Variants in WWOX observed in about 807,000 individuals in gnomAD.
WWOX encodes the protein WW domain-containing oxidoreductase.
A neutral mutation model predicts 46.2 loss-of-function variants in WWOX; 69 were observed. The ratio of observed to expected loss-of-function variants is 1.49; its 90% CI spans 1.23 to 1.82. The LOEUF is 1.82. Among genes scored for constraint, WWOX ranks in the 40% most tolerant of loss-of-function variants. The pLI is 0.00. For synonymous variants in WWOX, 359 were observed against 202.6 expected (o/e 1.77, Z -6.56); for missense variants, 919 against 542.6 (o/e 1.69, Z -6.89).
chr16:78,857,965 T>C (rs1027477671), intron 8 of WWOX, among the ~76,000 whole-genome samples: 1 of 152,198 alleles, frequency 6.6e-6, no homozygotes, highest in Non-Finnish European at 1.5e-5. Context: ...TGAATGCTTT[T>C]TTAGCGTTAT....
At chr16:78,379,752 A>T (rs770063119) in intron 5 of WWOX, among the ~76,000 whole-genome samples, 16 of 152,170 alleles carry the variant, frequency 1.1e-4, no homozygotes, top group Admixed American at 3.3e-4. Context: ...TTCCTAGGCA[A>T]TCTGCAATTA....
chr16:78,629,156 C>T (rs2046373378), intron 8 of WWOX, among the ~76,000 whole-genome samples: 1 of 152,050 alleles, frequency 6.6e-6, no homozygotes, highest in African/African-American at 2.4e-5. Flanking sequence ...TGCTCGCATT[C>T]CCATGTTGGA....
At chr16:78,865,718 A>G (rs2043989060) in intron 8 of WWOX, among the ~76,000 whole-genome samples, 1 of 152,078 alleles carries the variant, frequency 6.6e-6, no homozygotes, top group Admixed American at 6.5e-5. Flanking sequence ...CATCTCTACT[A>G]AAAATACAAA....
intron 8 of WWOX, among the ~76,000 whole-genome samples, chr16:78,730,300 C>T (rs555288772): frequency 6.6e-6 from 1 of 151,966 alleles, no homozygotes; most frequent in Admixed American, 6.6e-5. Flanking sequence ...TCCTTCCTTG[C>T]CTCCTTCCCT....
At chr16:79,097,730 TTTTA>T (rs2049106450) in intron 8 of WWOX, among the ~76,000 whole-genome samples, 1 of 152,180 alleles carries the variant, frequency 6.6e-6, no homozygotes, top group Non-Finnish European at 1.5e-5. Flanking sequence ...ACTTTCTGTC[TTTTA>T]TTTAGGGAAG....
intron 5 of WWOX, among the ~76,000 whole-genome samples, chr16:78,249,231 G>A (rs1567456824): frequency 6.6e-6 from 1 of 152,190 alleles, no homozygotes; most frequent in African/African-American, 2.4e-5. Context: ...GGCGGTGGAG[G>A]TGTTGTGAAT....
chr16:79,181,627 A>G (rs2150787557), intron 8 of WWOX, among the ~76,000 whole-genome samples: 1 of 152,100 alleles, frequency 6.6e-6, no homozygotes. Flanking sequence ...CATCCCCCTT[A>G]TTACTCAGCC....
rs77718117 is a variant in WWOX, at chr16:78,236,188, G to A, written c.516+71899G>A. On this transcript the variant is annotated intron_variant, in intron 5 of 8. Coordinates refer to ENST00000566780, the MANE Select transcript of WWOX (RefSeq NM_016373.4). ...TCTGAATCTTTCTAATCTCGTGATA[G>A]GGCAAGGTAATTAAAATGTTAATAC... Among the ~76,000 whole-genome samples the A allele has an allele frequency of 4.7e-4, 72 of 152,282 alleles. No individual in the cohort carries two copies. The East Asian group carries it at 0.013, about 27-fold the overall frequency.
chr16:78,970,605 GAGGAAAGTC>G (rs1230027149), intron 8 of WWOX, among the ~76,000 whole-genome samples: 1 of 152,194 alleles, frequency 6.6e-6, no homozygotes, highest in Non-Finnish European at 1.5e-5. Context: ...GGAACAGTAT[GAGGAAAGTC>G]AGAGAGCTAA....
chr16:79,037,325 T>C, intron 8 of WWOX, among the ~76,000 whole-genome samples: 1 of 152,212 alleles, frequency 6.6e-6, no homozygotes. Flanking sequence ...CCAGAATGGT[T>C]TTGATTCTCA....
chr16:78,548,816 C>T (rs956094875), intron 8 of WWOX, among the ~76,000 whole-genome samples: 2 of 152,122 alleles, frequency 1.3e-5, no homozygotes, highest in Non-Finnish European at 2.9e-5. Flanking sequence ...TCAATATTTG[C>T]CTTTTGGCTG....
intron 8 of WWOX, among the ~76,000 whole-genome samples, chr16:79,032,100 G>C (rs977870755): frequency 2.1e-5 from 3 of 144,164 alleles, no homozygotes; most frequent in Admixed American, 7.1e-5. Context: ...ATTATGTATA[G>C]ATAATTTATA....
At chr16:78,445,882 C>T (rs548210037) in intron 8 of WWOX, among the ~76,000 whole-genome samples, 7 of 40,888 alleles carry the variant, frequency 1.7e-4, no homozygotes, top group Admixed American at 6.2e-4. Flanking sequence ...TGTCTTGGGG[C>T]GGGGGGCAGG....
intron 8 of WWOX, among the ~76,000 whole-genome samples, chr16:79,188,729 G>A (rs1319589129): frequency 6.6e-6 from 1 of 152,166 alleles, no homozygotes; most frequent in Non-Finnish European, 1.5e-5. Context: ...TCCTGCAAGC[G>A]AATTGCCACC....
intron 8 of WWOX, among the ~76,000 whole-genome samples, chr16:78,784,743 C>T (rs756937368): frequency 4.8e-4 from 73 of 152,114 alleles, no homozygotes; most frequent in Non-Finnish European, 6.5e-4. Context: ...GCCTGGTGGG[C>T]AGTCTGGAAG....
rs1597385891 is a variant in WWOX at position 79,111,734 on chromosome 16, A to C, written c.1057-99874A>C. 2.0e-5 allele frequency among the ~76,000 whole-genome samples: 3 copies of C among 152,324 alleles called. 1 individual carries two copies. The South Asian group carries it at 6.2e-4, about 32-fold the overall frequency. On this transcript the variant is annotated intron_variant, in intron 8 of 8. Transcript: ENST00000566780. ...AAAAAGATCAGGAGGTCACAGTGAC[A>C]AAAGTATTTAGGCTCATCATATTAG...
intron 8 of WWOX, among the ~76,000 whole-genome samples, chr16:78,667,302 G>T (rs2047353677): frequency 1.3e-5 from 2 of 152,074 alleles, no homozygotes; most frequent in Admixed American, 1.3e-4. Flanking sequence ...TTCAAGCTTG[G>T]ACAGGCTGAC....
chr16:78,593,766 C>G (rs891954890), intron 8 of WWOX, among the ~76,000 whole-genome samples: 1 of 150,386 alleles, frequency 6.6e-6, no homozygotes, highest in African/African-American at 2.4e-5. Flanking sequence ...GACTGATACA[C>G]AAAGAGAATC....
intron 8 of WWOX, among the ~76,000 whole-genome samples, chr16:78,558,008 G>GC (rs1227863350): frequency 6.6e-6 from 1 of 152,062 alleles, no homozygotes; most frequent in African/African-American, 2.4e-5. Flanking sequence ...CTTTTTCAGA[G>GC]CCTGGAACAG....
Sources: gnomAD v4.1 joint callset for allele counts (sites outside exome capture counted in the v4.1 genomes callset) on GRCh38, gnomAD v4.1.1 for gene constraint, MANE v1.5 for transcripts, NCBI Gene and HGNC (gene_info 2026-07-23, HGNC 2026-07-21) for gene names.